The following RWDD2B variants were observed in gnomAD, a reference collection of about 807,000 sequenced individuals.
The protein encoded by RWDD2B is RWD domain containing 2B.
In RWDD2B, 36 loss-of-function variants were observed where a neutral mutation model predicts 33.6. The ratio of observed to expected loss-of-function variants is 1.07; its 90% CI spans 0.82 to 1.42. The LOEUF is 1.42. RWDD2B is among the 40% of genes most tolerant of loss of function. The pLI is 0.00. For missense variants in RWDD2B, 364 were observed against 377.5 expected (o/e 0.96, Z 0.30); for synonymous variants, 126 against 133.1 (o/e 0.95, Z 0.37).
intron 1 of RWDD2B, among the ~76,000 whole-genome samples, chr21:29,017,349 C>T (rs1407602688): frequency 2.0e-5 from 3 of 151,918 alleles, no homozygotes; most frequent in African/African-American, 7.2e-5. Flanking sequence ...TGGTGGCTCA[C>T]GCCTGTAATC....
At chr21:29,012,200 C>T (rs1276214216) in intron 1 of RWDD2B, among the ~76,000 whole-genome samples, 4 of 141,686 alleles carry the variant, frequency 2.8e-5, no homozygotes, top group East Asian at 2.1e-4. Flanking sequence ...AGGTGAGGGG[C>T]GCCTCTGCCC....
At position 29,010,699 on chromosome 21, in the gene RWDD2B, G is replaced by A. The variant is rs145646943; in HGVS notation, c.68-2078C>T. On this transcript the variant is annotated intron_variant, in intron 1 of 4. Transcript: ENST00000493196. ...GGTCTCCCTCTCCCTCTCTTTCCAC[G>A]GTCTCCCTCTGATTCCGAGCCGAAG... 1.7e-4 allele frequency among the ~76,000 whole-genome samples: 26 copies of A among 150,260 alleles called. 1 individual carries two copies. In the South Asian group the frequency reaches 4.0e-3, roughly 23 times the overall value.
At chr21:29,018,420 T>C (rs796874818) in intron 1 of RWDD2B, among the ~76,000 whole-genome samples, 30 of 152,338 alleles carry the variant, frequency 2.0e-4, no homozygotes, top group African/African-American at 7.2e-4. Flanking sequence ...GCTAGATATA[T>C]AATCTTGGGA....
Position 29,016,558 on chromosome 21 carries a change from C to T in RWDD2B, c.67+2653G>A, listed in dbSNP as rs11910780. On this transcript the variant is annotated intron_variant, in intron 1 of 4. Coordinates refer to ENST00000493196, the MANE Select transcript of RWDD2B (RefSeq NM_016940.3). Reference sequence around the variant, plus strand: ...GGATTACAGGCATGAGCCACTGCTCCCGGCCTTTTTTTTTTTAAACAAAAT... The same window carrying T: ...GGATTACAGGCATGAGCCACTGCTCTCGGCCTTTTTTTTTTTAAACAAAAT... Among the ~76,000 whole-genome samples, 1,100 of 145,578 alleles carry T rather than the reference C, an allele frequency of 7.6e-3. 12 individuals are homozygous for T. The highest frequency in any genetic ancestry group is 0.026 in the African/African-American group (1,042 of 40,652).
intron 1 of RWDD2B, among the ~76,000 whole-genome samples, chr21:29,009,394 T>G (rs986155474): frequency 1.4e-4 from 4 of 28,976 alleles, no homozygotes; most frequent in East Asian, 4.6e-4. Context: ...ATTTATTAGT[T>G]TTTTTTTTTT....
intron 1 of RWDD2B, among the ~76,000 whole-genome samples, chr21:29,012,886 ATTTTT>A: frequency 6.7e-6 from 1 of 149,408 alleles, no homozygotes; most frequent in African/African-American, 2.5e-5. Flanking sequence ...TTTCCAGCTT[ATTTTT>A]TTTTTCCAGT....
chr21:29,012,042 G>A (rs1315128725), intron 1 of RWDD2B, among the ~76,000 whole-genome samples: 2 of 133,198 alleles, frequency 1.5e-5, no homozygotes. Flanking sequence ...GGTGAGGGGC[G>A]CCTCTGCCCG....
At chr21:29,013,769 G>GT (rs2084876614) in intron 1 of RWDD2B, among the ~76,000 whole-genome samples, 2 of 151,582 alleles carry the variant, frequency 1.3e-5, no homozygotes, top group East Asian at 1.9e-4. Flanking sequence ...CCCTTCAGTA[G>GT]TTTTTTTAAT....
At position 29,008,498 on chromosome 21, in the gene RWDD2B, A is replaced by G; in HGVS notation, c.191T>C (p.Val64Ala). 2 of 1,614,186 alleles carry G rather than the reference A, an allele frequency of 1.2e-6. No individual in the cohort carries two copies. The highest frequency in any genetic ancestry group is 3.3e-4 in the Middle Eastern group (2 of 6,062). ...NELIVNDQLA[V>A]AELKDCIEKK... ...TTCAATACAATCTTTCAGTTCTGCT[A>G]CAGCCAGCTGGTCATTCACTATGAG... Residue 64 changes from valine (V) to alanine (A), a missense_variant, in exon 2 of 5, where the codon GTA (valine) becomes GCA (alanine). Coordinates refer to ENST00000493196, the MANE Select transcript of RWDD2B (RefSeq NM_016940.3).
chr21:29,017,839 A>C (rs957661464), intron 1 of RWDD2B, among the ~76,000 whole-genome samples: 2 of 152,186 alleles, frequency 1.3e-5, no homozygotes, highest in Non-Finnish European at 2.9e-5. Context: ...AGCGAACAGC[A>C]TATTCAAAGG....
At position 29,006,324 on chromosome 21, in the gene RWDD2B, A is replaced by G; in HGVS notation, c.*93T>C. 1.3e-6 allele frequency: 1 copy of G among 766,998 alleles called. No individual in the cohort carries two copies. Among genetic ancestry groups the G allele is most frequent in the Non-Finnish European group, 2.1e-6 (1 of 478,168 alleles). 47.5% of individuals were successfully genotyped at this position (766,998 alleles called of 1,614,324 possible). On this transcript the variant is annotated 3_prime_UTR_variant, in exon 5 of 5. Coordinates refer to ENST00000493196, the MANE Select transcript of RWDD2B (RefSeq NM_016940.3). The stretch of plus-strand genomic sequence containing the variant: ...CCCACTCCCCAACATTCTAGAATGG[A>G]ACTAAAATAAAATTACTTAATCTTT...
chr21:29,008,311 A>G lies in RWDD2B; in HGVS notation c.295-4T>C, dbSNP rs772349132. ...TACAGGCCAGAGAAAACATCGCCTG[A>G]TTAAAGAGAAGAAGAAAAAGTGCAC... On this transcript the variant is annotated splice_polypyrimidine_tract_variant and splice_region_variant and intron_variant, in intron 2 of 4. Transcript: ENST00000493196. 1.2e-6 allele frequency: 2 copies of G among 1,614,168 alleles called. No homozygotes were observed. Among genetic ancestry groups the G allele is most frequent in the South Asian group, 2.2e-5 (2 of 91,084 alleles).
At chr21:29,015,039 T>G (rs1178790172) in intron 1 of RWDD2B, among the ~76,000 whole-genome samples, 1 of 151,906 alleles carries the variant, frequency 6.6e-6, no homozygotes, top group Non-Finnish European at 1.5e-5. Context: ...GATGCAGTAT[T>G]CTGGCTTAAC....
At chr21:29,017,957 A>G (rs1339595204) in intron 1 of RWDD2B, among the ~76,000 whole-genome samples, 3 of 152,234 alleles carry the variant, frequency 2.0e-5, no homozygotes, top group Non-Finnish European at 2.9e-5. Flanking sequence ...TGTTGGGACT[A>G]GTAAAGCATG....
rs149308877 is a variant in RWDD2B, at chr21:29,019,223, C to A, written c.55G>T (p.Ala19Ser). Residue 19 changes from alanine (A) to serine (S), a missense_variant, in exon 1 of 5, where the codon GCC (alanine) becomes TCC (serine). Ala to Ser is a moderately conservative substitution (Grantham distance 99). Transcript: ENST00000493196. ...AGGCGAGACTCACCTTGAGCCGTGG[C>A]CCCCTCACTGCTGTAACCCGGGTTC... ...PWNPGYSSEGATAQETYTCPK... is the reference protein window; with the variant it reads ...PWNPGYSSEGSTAQETYTCPK... 1.2e-6 allele frequency: 2 copies of A among 1,601,554 alleles called. No homozygotes were observed. The highest frequency in any genetic ancestry group is 2.7e-5 in the African/African-American group (2 of 74,784).
rs1236373695 is a variant in RWDD2B, at chr21:29,019,305, A to G, written c.-28T>C. ...GAAGGGAGCCTCAAAATTCTAGCAT[A>G]CTGCGACCCAAAACTTACAAACCGC... On this transcript the variant is annotated 5_prime_UTR_variant, in exon 1 of 5. Transcript: ENST00000493196. 3 of 1,551,462 alleles carry G rather than the reference A, an allele frequency of 1.9e-6. No homozygotes were observed. The Admixed American group carries it at 5.5e-5, about 29-fold the overall frequency.
chr21:29,004,533 T>TAAA lies in RWDD2B; in HGVS notation c.*1883_*1884insTTT, dbSNP rs1297152238. 15 of 152,238 alleles carry TAAA rather than the reference T, an allele frequency of 9.9e-5. No homozygotes were observed. The highest frequency in any genetic ancestry group is 5.8e-4 in the East Asian group (3 of 5,202). 9.4% of individuals were successfully genotyped at this position (152,238 alleles called of 1,614,324 possible). A position where few individuals can be genotyped will look rare whatever the true frequency, so the allele number is the denominator to read the frequency against. ...GTAATATATGCATCATCTGCCCCCT[T>TAAA]TGGTGGTAGGGATGTCAGATTCCAT... On this transcript the variant is annotated 3_prime_UTR_variant, in exon 5 of 5. Coordinates refer to ENST00000493196, the MANE Select transcript of RWDD2B (RefSeq NM_016940.3).
At position 29,006,323 on chromosome 21, in the gene RWDD2B, G is replaced by T; in HGVS notation, c.*94C>A. On this transcript the variant is annotated 3_prime_UTR_variant, in exon 5 of 5. Transcript: ENST00000493196. The stretch of plus-strand genomic sequence containing the variant: ...CCCCACTCCCCAACATTCTAGAATG[G>T]AACTAAAATAAAATTACTTAATCTT... 1 of 757,984 alleles carries T rather than the reference G, an allele frequency of 1.3e-6. No homozygotes were observed. Among genetic ancestry groups the T allele is most frequent in the South Asian group, 2.0e-5 (1 of 49,380 alleles). The allele number at this position is 757,984 out of a possible 1,614,324, so 47.0% of individuals were successfully genotyped here. A position where few individuals can be genotyped will look rare whatever the true frequency, so the allele number is the denominator to read the frequency against.
At chr21:29,013,047 CTTTT>C (rs552941963) in intron 1 of RWDD2B, among the ~76,000 whole-genome samples, 1 of 139,160 alleles carries the variant, frequency 7.2e-6, no homozygotes, top group Admixed American at 7.2e-5. Flanking sequence ...TCCTAATACT[CTTTT>C]TTTTTTTTTT....
Sources: gnomAD v4.1 joint callset for allele counts (sites outside exome capture counted in the v4.1 genomes callset) on GRCh38, gnomAD v4.1.1 for gene constraint, MANE v1.5 for transcripts, NCBI Gene and HGNC (gene_info 2026-07-23, HGNC 2026-07-21) for gene names.